SLIT2: variants seen among roughly 807,000 people sequenced by gnomAD.
SLIT2 encodes the protein slit homolog 2 protein.
SLIT2 carries 41 observed loss-of-function variants against 185.7 expected under a neutral mutation model. That is an observed-to-expected ratio of 0.22 (90% CI 0.17 to 0.29). The LOEUF is 0.29. Ranked by LOEUF, SLIT2 falls within the 10% of genes least tolerant of loss-of-function variation. SLIT2 has a pLI of 1.00. For missense variants in SLIT2, 1,571 were observed against 1,909.0 expected (o/e 0.82, Z 3.30); for synonymous variants, 693 against 680.2 (o/e 1.02, Z -0.29).
intron 4 of SLIT2, among the ~76,000 whole-genome samples, chr4:20,310,523 C>T (rs1478189578): frequency 6.6e-6 from 1 of 152,114 alleles, no homozygotes; most frequent in East Asian, 1.9e-4. Context: ...ACAACTTTCC[C>T]TCTTAAGTAT....
chr4:20,372,639 G>T (rs571026350), intron 4 of SLIT2, among the ~76,000 whole-genome samples: 1 of 151,940 alleles, frequency 6.6e-6, no homozygotes, highest in East Asian at 1.9e-4. Flanking sequence ...TATGATCTTT[G>T]TTGGTTTCTT....
At chr4:20,435,351 A>G (rs2109516617) in intron 4 of SLIT2, among the ~76,000 whole-genome samples, 1 of 152,358 alleles carries the variant, frequency 6.6e-6, no homozygotes, top group East Asian at 1.9e-4. Context: ...GAGAAAAATT[A>G]AAAACATATG....
chr4:20,567,101 T>C (rs895787333), intron 26 of SLIT2, among the ~76,000 whole-genome samples, 161 bp from the exon 27 acceptor site: 1 of 152,046 alleles, frequency 6.6e-6, no homozygotes, highest in African/African-American at 2.4e-5. Context: ...TTGAACATCA[T>C]CGGAGGATGC....
At chr4:20,430,311 A>G (rs907665978) in intron 4 of SLIT2, among the ~76,000 whole-genome samples, 20 of 152,222 alleles carry the variant, frequency 1.3e-4, no homozygotes, top group African/African-American at 4.6e-4. Flanking sequence ...ATTACTTGCT[A>G]TTATGCCCTT....
At chr4:20,555,679 C>G (rs576127) in intron 26 of SLIT2, among the ~76,000 whole-genome samples, 112,184 of 151,966 alleles carry the variant, frequency 0.74, 42,636 homozygotes, top group East Asian at 0.97. Flanking sequence ...GGCCTCTAAT[C>G]TATTTCATGG....
intron 10 of SLIT2, 50 bp from the exon 11 acceptor site, chr4:20,511,013 TAAA>T: frequency 8.6e-7 from 1 of 1,165,202 alleles, no homozygotes; most frequent in East Asian, 2.3e-5. Flanking sequence ...TTTTCCGCAG[TAAA>T]TCTCACTGAC....
rs1449999474 is a variant in SLIT2, at chr4:20,617,620, A to G, written c.4318A>G (p.Ser1440Gly). 1 of 1,611,698 alleles carries G rather than the reference A, an allele frequency of 6.2e-7. No individual in the cohort carries two copies. Among genetic ancestry groups the G allele is most frequent in the Non-Finnish European group, 8.5e-7 (1 of 1,179,426 alleles). Residue 1440 changes from serine to glycine, a missense_variant, in exon 36 of 37, where the codon AGT becomes GGT. This residue lies in a region of SLIT2 where 223 missense variants were observed against 245.2 expected (regional missense o/e 0.91). Coordinates refer to ENST00000504154, the MANE Select transcript of SLIT2 (RefSeq NM_004787.4). ...GLGQPYCECS[S>G]GYTGDSCDRE... ...GGGGCAGCCCTACTGTGAATGCAGCAGTGGATACACGGGGGACAGCTGTGA... is the reference window on the plus strand; with the variant it reads ...GGGGCAGCCCTACTGTGAATGCAGCGGTGGATACACGGGGGACAGCTGTGA...
chr4:20,581,119 C>A (rs2148934767), intron 29 of SLIT2, among the ~76,000 whole-genome samples: 1 of 152,246 alleles, frequency 6.6e-6, no homozygotes, highest in African/African-American at 2.4e-5. Context: ...TATTGTCTTA[C>A]AGTTCTGGAG....
intron 4 of SLIT2, among the ~76,000 whole-genome samples, chr4:20,466,537 T>C (rs1714373667): frequency 6.6e-6 from 1 of 152,204 alleles, no homozygotes; most frequent in Non-Finnish European, 1.5e-5. Flanking sequence ...TATTGAGATA[T>C]AAATGCAATT....
In SLIT2 at chr4:20,620,541, A is replaced by C; in HGVS notation, c.*1532A>C. ...TTACACTGCTGATGTTTGTAAATTAAACAGATATTTACTTCATTAACAGCT... is the reference window on the plus strand; with the variant it reads ...TTACACTGCTGATGTTTGTAAATTACACAGATATTTACTTCATTAACAGCT... On this transcript the variant is annotated 3_prime_UTR_variant, in exon 37 of 37. Coordinates refer to ENST00000504154, the MANE Select transcript of SLIT2 (RefSeq NM_004787.4). The C allele has an allele frequency of 8.4e-6, 3 of 357,294 alleles. No homozygotes were observed. The highest frequency in any genetic ancestry group is 8.1e-5 in the East Asian group (1 of 12,422). The allele number at this position is 357,294 out of a possible 1,614,324, so 22.1% of individuals were successfully genotyped here.
At chr4:20,463,498 T>TGC (rs1208820141) in intron 4 of SLIT2, among the ~76,000 whole-genome samples, 1 of 125,944 alleles carries the variant, frequency 7.9e-6, no homozygotes, top group East Asian at 2.1e-4. Context: ...TATATGTGTG[T>TGC]GTGCGTATAT....
At position 20,510,578 on chromosome 4, in the gene SLIT2, A is replaced by G. The variant is rs760432832; in HGVS notation, c.986+12A>G. ...AAGCTTAGACGAATGTGAGTGAACA[A>G]TATTCTACAATATATGTAATTTTAA... On this transcript the variant is annotated intron_variant, in intron 10 of 36. Transcript: ENST00000504154. 4 of 1,490,568 alleles carry G rather than the reference A, an allele frequency of 2.7e-6. No homozygotes were observed. The highest frequency in any genetic ancestry group is 3.7e-6 in the Non-Finnish European group (4 of 1,071,000). 92.3% of individuals were successfully genotyped at this position (1,490,568 alleles called of 1,614,324 possible).
chr4:20,320,717 G>A (rs1274514724), intron 4 of SLIT2, among the ~76,000 whole-genome samples: 1 of 152,062 alleles, frequency 6.6e-6, no homozygotes, highest in East Asian at 1.9e-4. Context: ...TATCACAAAG[G>A]GGTTAAGTGT....
chr4:20,482,334 C>T (rs1429047454), intron 6 of SLIT2, among the ~76,000 whole-genome samples: 1 of 151,950 alleles, frequency 6.6e-6, no homozygotes, highest in Non-Finnish European at 1.5e-5. Context: ...TGTAGTTCTT[C>T]ACTGTATTTA....
chr4:20,472,386 G>GATATAGATATCTATATCTATATATA lies in SLIT2; in HGVS notation c.467+4563_467+4564insATATAGATATCTATATCTATATATA, dbSNP rs1560453735. ...TATAGATATCTATATCTATATATAT[G>GATATAGATATCTATATCTATATATA]TAGATATATAGATATAGATATCTAT... On this transcript the variant is annotated intron_variant, in intron 5 of 36. Transcript: ENST00000504154. 5.2e-4 allele frequency among the ~76,000 whole-genome samples: 20 copies of GATATAGATATCTATATCTATATATA among 38,398 alleles called. 2 individuals are homozygous for GATATAGATATCTATATCTATATATA. The highest frequency in any genetic ancestry group is 2.6e-3 in the African/African-American group (18 of 7,016). The allele number at this position is 38,398 out of a possible 152,430, so 25.2% of individuals were successfully genotyped here.
At chr4:20,595,913 T>A in intron 31 of SLIT2, 79 bp downstream of exon 31, 1 of 1,227,604 alleles carries the variant, frequency 8.1e-7, no homozygotes, top group South Asian at 1.4e-5. Flanking sequence ...AATAGTGTAA[T>A]CGTACATTTT....
intron 9 of SLIT2, among the ~76,000 whole-genome samples, chr4:20,500,716 T>C (rs1039321070): frequency 3.3e-5 from 5 of 152,192 alleles, no homozygotes; most frequent in Non-Finnish European, 5.9e-5. Context: ...AAAATTCTTT[T>C]AATTTTTTTG....
At chr4:20,462,354 C>T (rs1044829950) in intron 4 of SLIT2, among the ~76,000 whole-genome samples, 10 of 152,284 alleles carry the variant, frequency 6.6e-5, no homozygotes, top group African/African-American at 2.2e-4. Flanking sequence ...GCAGTATCCT[C>T]TTAACAAAAC....
rs369881721 is a variant in SLIT2 at position 20,548,567 on chromosome 4, T to G, written c.2417+8T>G. 8 of 1,561,024 alleles carry G rather than the reference T, an allele frequency of 5.1e-6. No homozygotes were observed. Among genetic ancestry groups the G allele is most frequent in the Non-Finnish European group, 7.1e-6 (8 of 1,132,158 alleles). On this transcript the variant is annotated splice_region_variant and intron_variant, in intron 23 of 36. Transcript: ENST00000504154. ...GACCCAGCTCCTCACCTTGTGAGTG[T>G]GAAAGTGTGGTACTGAGTATTCATT...
Sources: allele counts gnomAD v4.1 joint callset (sites outside exome capture counted in the v4.1 genomes callset), GRCh38; gene constraint gnomAD v4.1.1; regional missense constraint gnomAD v4.1.1; transcripts MANE v1.5; gene names NCBI Gene and HGNC (gene_info 2026-07-23, HGNC 2026-07-21).